ZNF827: variants seen among roughly 807,000 people sequenced by gnomAD.
ZNF827 encodes zinc finger protein 827.
A neutral mutation model predicts 102.4 loss-of-function variants in ZNF827; 13 were observed. The ratio of observed to expected loss-of-function variants is 0.13; its 90% confidence interval spans 0.08 to 0.20. The LOEUF (loss-of-function observed/expected upper bound fraction) is 0.20. ZNF827 is among the 10% of genes least tolerant of loss of function. The probability of loss-of-function intolerance (pLI) is 1.00; values close to 1 mark genes in which losing one functional copy is unlikely to be tolerated. For synonymous variants in ZNF827, 523 were observed against 536.2 expected (o/e 0.98, Z 0.34); for missense variants, 1,103 against 1,344.4 (o/e 0.82, Z 2.81).
chr4:145,812,777 C>T (rs926585615), intron 8 of ZNF827, among the ~76,000 whole-genome samples: 1 of 152,138 alleles, frequency 6.6e-6, no homozygotes, highest in Non-Finnish European at 1.5e-5. Flanking sequence ...ATCCATCCTC[C>T]TCGGCCTCCC....
intron 1 of ZNF827, among the ~76,000 whole-genome samples, chr4:145,925,780 T>C (rs758980414): frequency 6.6e-6 from 1 of 152,228 alleles, no homozygotes; most frequent in Non-Finnish European, 1.5e-5. Flanking sequence ...AATTGTTTCC[T>C]GAAGTATTAA....
At chr4:145,846,929 G>A (rs1746026113) in intron 6 of ZNF827, among the ~76,000 whole-genome samples, 1 of 146,884 alleles carries the variant, frequency 6.8e-6, no homozygotes, top group East Asian at 2.0e-4. Context: ...CGAGGCAGGT[G>A]GATCACCTGA....
At chr4:145,773,312 A>C (rs1039627816) in intron 11 of ZNF827, among the ~76,000 whole-genome samples, 3 of 152,198 alleles carry the variant, frequency 2.0e-5, no homozygotes, top group Non-Finnish European at 4.4e-5. Flanking sequence ...GGCTCTCTGC[A>C]GACCTCCAAG....
At chr4:145,771,671 C>A (rs1246198093) in intron 11 of ZNF827, among the ~76,000 whole-genome samples, 6 of 150,672 alleles carry the variant, frequency 4.0e-5, no homozygotes, top group African/African-American at 1.5e-4. Context: ...TCAGGTATCC[C>A]TTTAACATAA....
intron 2 of ZNF827, 105 bp from the exon 3 acceptor site, chr4:145,892,520 T>C (rs1245031047): frequency 7.9e-7 from 1 of 1,264,334 alleles, no homozygotes; most frequent in Admixed American, 2.8e-5. Context: ...AAAAATGATT[T>C]GGGTTTTTTT....
intron 6 of ZNF827, among the ~76,000 whole-genome samples, chr4:145,846,341 G>A (rs1368695666): frequency 4.6e-5 from 7 of 152,162 alleles, no homozygotes; most frequent in Non-Finnish European, 8.8e-5. Context: ...AGCCAGGGAT[G>A]GTGGTGGGCA....
chr4:145,801,572 A>G (rs1740905145), intron 8 of ZNF827, among the ~76,000 whole-genome samples: 10 of 152,176 alleles, frequency 6.6e-5, no homozygotes, highest in Admixed American at 6.5e-4. Flanking sequence ...ACCTGTCCTG[A>G]GATGGGACTC....
Position 145,936,362 on chromosome 4 carries a change from A to G in ZNF827, c.43+2003T>C, listed in dbSNP as rs554336599. ...CTACACACGCAGCCGCCTGCGAGTG[A>G]TTTTATGTGCATATATATTACATAT... On this transcript the variant is annotated intron_variant, in intron 1 of 14. Coordinates refer to ENST00000508784, the MANE Select transcript of ZNF827 (RefSeq NM_001306215.2). Among the ~76,000 whole-genome samples the G allele has an allele frequency of 5.9e-5, 9 of 152,188 alleles. No individual in the cohort carries two copies. In the South Asian group the frequency reaches 1.9e-3, roughly 32 times the overall value.
intron 7 of ZNF827, among the ~76,000 whole-genome samples, chr4:145,825,268 A>G (rs958086419): frequency 1.3e-5 from 2 of 152,190 alleles, no homozygotes; most frequent in Non-Finnish European, 2.9e-5. Context: ...ACTGTGAGAA[A>G]GCCTGCAGAG....
At chr4:145,857,505 T>C (rs1747268370) in intron 5 of ZNF827, among the ~76,000 whole-genome samples, 1 of 152,216 alleles carries the variant, frequency 6.6e-6, no homozygotes, top group Non-Finnish European at 1.5e-5. Context: ...CAGTTGGATA[T>C]CTGCAAATGT....
chr4:145,899,321 G>A (rs1327924756), intron 2 of ZNF827, among the ~76,000 whole-genome samples: 2 of 151,858 alleles, frequency 1.3e-5, no homozygotes, highest in Admixed American at 6.6e-5. Flanking sequence ...GGAGGGGGAG[G>A]GAAGAAAAGG....
At chr4:145,838,327 C>T (rs530685254) in intron 7 of ZNF827, among the ~76,000 whole-genome samples, 53 of 152,256 alleles carry the variant, frequency 3.5e-4, no homozygotes, top group African/African-American at 1.1e-3. Flanking sequence ...CGCCAGAGAA[C>T]AAAACCCCTT....
chr4:145,808,491 G>A (rs1198604224), intron 8 of ZNF827, among the ~76,000 whole-genome samples: 4 of 152,130 alleles, frequency 2.6e-5, no homozygotes, highest in Admixed American at 1.3e-4. Flanking sequence ...TACTTAGGGC[G>A]GAGAAACTAG....
chr4:145,849,835 G>A (rs1746353720), intron 5 of ZNF827, among the ~76,000 whole-genome samples: 1 of 152,186 alleles, frequency 6.6e-6, no homozygotes, highest in Non-Finnish European at 1.5e-5. Context: ...CTGCAAGCTG[G>A]AGCCTATGTT....
rs190820145 is a variant in ZNF827, at chr4:145,856,121, A to G, written c.1982-6560T>C. ...GCAATTCTCCTGCCTCAGGCTCCCG[A>G]GTAGCTGGGATTACAGTCTTGCGCC... On this transcript the variant is annotated intron_variant, in intron 5 of 14. Transcript: ENST00000508784. Among the ~76,000 whole-genome samples the G allele has an allele frequency of 3.9e-5, 6 of 151,930 alleles. No individual in the cohort carries two copies. The East Asian group carries it at 1.2e-3, about 29-fold the overall frequency.
chr4:145,764,782 T>G, intron 13 of ZNF827: 1 of 630,498 alleles, frequency 1.6e-6, no homozygotes, highest in Middle Eastern at 4.3e-4. Flanking sequence ...GCAAAATGGA[T>G]TCTCCTACTG....
At chr4:145,776,931 A>G (rs1489257826) in intron 9 of ZNF827, among the ~76,000 whole-genome samples, 2 of 152,216 alleles carry the variant, frequency 1.3e-5, no homozygotes, top group Non-Finnish European at 2.9e-5. Flanking sequence ...TTGATTAATC[A>G]AGCAAATTAA....
intron 1 of ZNF827, among the ~76,000 whole-genome samples, chr4:145,931,833 T>A (rs532796664): frequency 6.6e-6 from 1 of 152,194 alleles, no homozygotes; most frequent in Non-Finnish European, 1.5e-5. Context: ...TGACCAGCCA[T>A]AGAAACAGGT....
At chr4:145,824,767 A>G (rs1425024136) in intron 7 of ZNF827, among the ~76,000 whole-genome samples, 1 of 152,210 alleles carries the variant, frequency 6.6e-6, no homozygotes, top group Non-Finnish European at 1.5e-5. Context: ...GCAGAACAAC[A>G]GACCAAGCCT....
Sources: gnomAD v4.1 joint callset for allele counts (sites outside exome capture counted in the v4.1 genomes callset) on GRCh38, gnomAD v4.1.1 for gene constraint, MANE v1.5 for transcripts, NCBI Gene and HGNC (gene_info 2026-07-23, HGNC 2026-07-21) for gene names.